Variants in ERC2 observed in about 807,000 individuals in gnomAD.
ERC2 encodes ERC protein 2.
ERC2 carries 42 observed loss-of-function variants against 114.8 expected under a neutral mutation model. The ratio of observed to expected loss-of-function variants is 0.37; its 90% confidence interval spans 0.29 to 0.47. ERC2 has a LOEUF of 0.47. Ranked by LOEUF, ERC2 falls within the 20% of genes least tolerant of loss-of-function variation. The pLI is 0.99. For synonymous variants in ERC2, 454 were observed against 425.5 expected, an observed-to-expected ratio of 1.07 and a Z score of -0.82; for missense variants, 939 against 1,150.7, an observed-to-expected ratio of 0.82 and a Z score of 2.66.
intron 2 of ERC2, among the ~76,000 whole-genome samples, chr3:56,345,308 C>G (rs965346195): frequency 2.0e-5 from 3 of 152,146 alleles, no homozygotes; most frequent in Non-Finnish European, 4.4e-5. Context: ...CCGCCAGGCC[C>G]TGGAGACACA....
At chr3:56,159,860 T>C (rs2081957927) in intron 4 of ERC2, among the ~76,000 whole-genome samples, 1 of 152,202 alleles carries the variant, frequency 6.6e-6, no homozygotes, top group African/African-American at 2.4e-5. Flanking sequence ...TGGCTGTATA[T>C]AGTATCCCAT....
intron 2 of ERC2, among the ~76,000 whole-genome samples, chr3:56,363,549 CAT>C (rs893148171): frequency 1.8e-4 from 28 of 152,084 alleles, no homozygotes; most frequent in African/African-American, 5.3e-4. Flanking sequence ...AGCAACACCA[CAT>C]GTTTCTTCTA....
intron 2 of ERC2, among the ~76,000 whole-genome samples, chr3:56,415,693 A>C (rs1279134929): frequency 1.3e-5 from 2 of 152,228 alleles, no homozygotes; most frequent in Admixed American, 6.5e-5. Context: ...CATCAACAGC[A>C]AAAGTAAAAT....
intron 14 of ERC2, among the ~76,000 whole-genome samples, chr3:55,837,352 C>T (rs1038483189): frequency 6.6e-6 from 1 of 152,058 alleles, no homozygotes; most frequent in East Asian, 1.9e-4. Flanking sequence ...TTGGAACCAA[C>T]CCAAATGTCC....
intron 16 of ERC2, among the ~76,000 whole-genome samples, chr3:55,689,076 G>T (rs1398261979): frequency 6.6e-6 from 1 of 152,138 alleles, no homozygotes; most frequent in African/African-American, 2.4e-5. Flanking sequence ...TCTCAAGGGA[G>T]AGGCAGGTAC....
intron 2 of ERC2, among the ~76,000 whole-genome samples, chr3:56,312,346 G>A (rs1271759046): frequency 1.3e-5 from 2 of 152,176 alleles, no homozygotes; most frequent in African/African-American, 4.8e-5. Flanking sequence ...AGGAAGATGA[G>A]GAGAGGTTGG....
At chr3:56,062,330 T>C (rs1425051408) in intron 7 of ERC2, among the ~76,000 whole-genome samples, 1 of 152,086 alleles carries the variant, frequency 6.6e-6, no homozygotes, top group Admixed American at 6.5e-5. Flanking sequence ...GTACAAGATC[T>C]GGTGTGAATT....
At chr3:55,852,332 G>A (rs1011287822) in intron 14 of ERC2, among the ~76,000 whole-genome samples, 2 of 152,344 alleles carry the variant, frequency 1.3e-5, no homozygotes, top group Non-Finnish European at 2.9e-5. Context: ...TAATGCCAAA[G>A]ACATAGATTT....
intron 13 of ERC2, among the ~76,000 whole-genome samples, chr3:55,909,159 C>T (rs1312688078): frequency 2.0e-5 from 3 of 152,202 alleles, no homozygotes; most frequent in Non-Finnish European, 4.4e-5. Context: ...CCTTCCATCT[C>T]GGCCCCTCTG....
intron 7 of ERC2, among the ~76,000 whole-genome samples, chr3:56,070,118 A>G: frequency 6.6e-6 from 1 of 152,214 alleles, no homozygotes; most frequent in Admixed American, 6.5e-5. Flanking sequence ...GATAAATGCC[A>G]ATATAGATAT....
At chr3:55,955,517 T>C (rs2149455322) in intron 12 of ERC2, among the ~76,000 whole-genome samples, 1 of 152,346 alleles carries the variant, frequency 6.6e-6, no homozygotes, top group East Asian at 1.9e-4. Flanking sequence ...ATCTGTCATC[T>C]TTTGCTTAGC....
Position 55,840,736 on chromosome 3 carries a change from C to T in ERC2, c.2564+47653G>A, listed in dbSNP as rs773392963. Among the ~76,000 whole-genome samples, 49 of 152,098 alleles carry T rather than the reference C, an allele frequency of 3.2e-4. 1 individual carries two copies. The highest frequency in any genetic ancestry group is 6.8e-3 in the Middle Eastern group (2 of 294). On this transcript the variant is annotated intron_variant, in intron 14 of 17. Coordinates refer to ENST00000288221, the MANE Select transcript of ERC2 (RefSeq NM_015576.3). ...CTGAACCGGAAACAATCCAAATGTG[C>T]GGCAACAAATGAACAGACAAATGAT...
intron 15 of ERC2, among the ~76,000 whole-genome samples, chr3:55,724,790 A>C (rs894086002): frequency 1.3e-5 from 2 of 152,194 alleles, no homozygotes; most frequent in African/African-American, 4.8e-5. Context: ...ACAGTCTAAC[A>C]GCTGGATTCC....
At chr3:55,559,131 T>G (rs1175554867) in intron 17 of ERC2, among the ~76,000 whole-genome samples, 1 of 152,186 alleles carries the variant, frequency 6.6e-6, no homozygotes, top group African/African-American at 2.4e-5. Context: ...AGTTTTCCCT[T>G]TTTCATGCTC....
intron 2 of ERC2, among the ~76,000 whole-genome samples, chr3:56,424,273 A>AT (rs551484789): frequency 2.5e-4 from 37 of 147,234 alleles, no homozygotes; most frequent in East Asian, 9.8e-4. Context: ...AAATACCCTG[A>AT]TTTTTTTTTT....
At chr3:55,515,574 T>C (rs1309419886) in intron 17 of ERC2, among the ~76,000 whole-genome samples, 1 of 152,028 alleles carries the variant, frequency 6.6e-6, no homozygotes, top group African/African-American at 2.4e-5. Flanking sequence ...TTTTGCTCTT[T>C]TTGGATTTTT....
intron 1 of ERC2, among the ~76,000 whole-genome samples, chr3:56,466,070 C>T (rs187619018): frequency 9.9e-4 from 150 of 152,222 alleles, no homozygotes; most frequent in Admixed American, 1.8e-3. Context: ...ATAATTTGGG[C>T]GTAAGAATAG....
chr3:56,148,859 A>G (rs2081279169), intron 5 of ERC2, 118 bp downstream of exon 5: 3 of 888,222 alleles, frequency 3.4e-6, no homozygotes, highest in East Asian at 2.5e-5. Flanking sequence ...TTTGTTGTCC[A>G]TATATTAAAT....
At chr3:56,195,496 TGTGC>T (rs1353272394) in intron 3 of ERC2, among the ~76,000 whole-genome samples, 3 of 78,888 alleles carry the variant, frequency 3.8e-5, no homozygotes, top group Non-Finnish European at 6.1e-5. Flanking sequence ...TGTGTGCGTG[TGTGC>T]GTGTGTGTGT....
Sources: gnomAD v4.1 joint callset for allele counts (sites outside exome capture counted in the v4.1 genomes callset) on GRCh38, gnomAD v4.1.1 for gene constraint, MANE v1.5 for transcripts, NCBI Gene and HGNC (gene_info 2026-07-23, HGNC 2026-07-21) for gene names.